The following TRIQK variants were observed in gnomAD, a reference collection of about 807,000 sequenced individuals.
The protein encoded by TRIQK is triple QxxK/R motif-containing protein.
In TRIQK, 10 loss-of-function variants were observed where a neutral mutation model predicts 10.8. That is an observed-to-expected ratio of 0.92 (90% CI 0.57 to 1.57). The LOEUF (loss-of-function observed/expected upper bound fraction) is 1.57. Among genes scored for constraint, TRIQK ranks in the 40% most tolerant of loss-of-function variants. The pLI is 0.00. For synonymous variants in TRIQK, 33 were observed against 33.7 expected (o/e 0.98, Z 0.07); for missense variants, 107 against 97.7 (o/e 1.09, Z -0.40).
chr8:92,928,716 G>A (rs1263675108), intron 2 of TRIQK, among the ~76,000 whole-genome samples: 2 of 152,216 alleles, frequency 1.3e-5, no homozygotes, highest in African/African-American at 4.8e-5. Flanking sequence ...AGCAGGGACT[G>A]TGAAGCCCTT....
In TRIQK at chr8:92,884,917, A is replaced by C. The variant is rs1816391569; in HGVS notation, c.*1705T>G. On this transcript the variant is annotated 3_prime_UTR_variant, in exon 5 of 5. Coordinates refer to ENST00000521988, the MANE Select transcript of TRIQK (RefSeq NM_001171797.2). The stretch of plus-strand genomic sequence containing the variant: ...GGAAAGTAAAAGGCCCATCATATCC[A>C]AAATGCCAGCTTGGATATTCCCTTG... 2.2e-6 allele frequency: 1 copy of C among 456,110 alleles called. No individual in the cohort carries two copies. Among genetic ancestry groups the C allele is most frequent in the Non-Finnish European group, 4.4e-6 (1 of 226,740 alleles). The allele number at this position is 456,110 out of a possible 1,614,324, so 28.3% of individuals were successfully genotyped here. A position where few individuals can be genotyped will look rare whatever the true frequency, so the allele number is the denominator to read the frequency against.
rs1368927239 is a variant in TRIQK at position 92,947,144 on chromosome 8, T to C, written c.-22+7262A>G. ...GCCTATTCTAAAGACCTCCATGTTATCTCTAACAGTACAAAAATCTAGTTA... is the reference window on the plus strand; with the variant it reads ...GCCTATTCTAAAGACCTCCATGTTACCTCTAACAGTACAAAAATCTAGTTA... On this transcript the variant is annotated intron_variant, in intron 2 of 4. Transcript: ENST00000521988. Among the ~76,000 whole-genome samples, 7 of 152,116 alleles carry C rather than the reference T, an allele frequency of 4.6e-5. No individual in the cohort carries two copies. In the South Asian group the frequency reaches 1.0e-3, roughly 23 times the overall value.
chr8:92,999,917 T>G (rs893391466), intron 1 of TRIQK, among the ~76,000 whole-genome samples: 6 of 152,298 alleles, frequency 3.9e-5, no homozygotes, highest in African/African-American at 9.6e-5. Flanking sequence ...ACCTGCTTAC[T>G]TTCATTATTT....
chr8:92,936,868 A>G (rs898189508), intron 2 of TRIQK, among the ~76,000 whole-genome samples: 17 of 151,774 alleles, frequency 1.1e-4, no homozygotes, highest in African/African-American at 3.9e-4. Flanking sequence ...TCTATAAAGC[A>G]GCTATAAATA....
At chr8:92,910,487 A>G (rs1362048729) in intron 3 of TRIQK, among the ~76,000 whole-genome samples, 5 of 151,096 alleles carry the variant, frequency 3.3e-5, no homozygotes, top group African/African-American at 1.2e-4. Context: ...AATGAAAAAT[A>G]TAAATAAAAA....
At chr8:92,986,285 A>T (rs1269983794) in intron 1 of TRIQK, among the ~76,000 whole-genome samples, 1 of 152,110 alleles carries the variant, frequency 6.6e-6, no homozygotes, top group Non-Finnish European at 1.5e-5. Context: ...ATGCAATATT[A>T]TCTTGTTTCA....
At chr8:93,007,525 T>C (rs55720010) in intron 1 of TRIQK, among the ~76,000 whole-genome samples, 4,829 of 152,196 alleles carry the variant, frequency 0.032, 121 homozygotes, top group South Asian at 0.049. Context: ...GGGCCGAGGC[T>C]GAGATGGATG....
chr8:93,000,911 C>T (rs73311482), intron 1 of TRIQK, among the ~76,000 whole-genome samples: 33,385 of 144,032 alleles, frequency 0.23, 4,721 homozygotes, highest in African/African-American at 0.41. Context: ...CAGAAAGGAA[C>T]AAAAGAGCTA....
At chr8:92,950,324 C>G (rs954706215) in intron 2 of TRIQK, among the ~76,000 whole-genome samples, 14 of 152,060 alleles carry the variant, frequency 9.2e-5, no homozygotes, top group African/African-American at 2.9e-4. Flanking sequence ...ACTGTGAGAA[C>G]CTAGTCTCAC....
At chr8:92,893,340 T>G (rs577167277) in intron 3 of TRIQK, among the ~76,000 whole-genome samples, 1 of 152,100 alleles carries the variant, frequency 6.6e-6, no homozygotes, top group East Asian at 1.9e-4. Context: ...AAAGTGTTTG[T>G]TTGGCTGGAA....
At chr8:92,981,565 C>G (rs530575409) in intron 1 of TRIQK, among the ~76,000 whole-genome samples, 13 of 151,604 alleles carry the variant, frequency 8.6e-5, no homozygotes, top group Non-Finnish European at 1.6e-4. Flanking sequence ...ACATAAAGAA[C>G]CATTACTGCA....
intron 3 of TRIQK, among the ~76,000 whole-genome samples, chr8:92,909,925 A>G (rs2130408930): frequency 6.6e-6 from 1 of 151,762 alleles, no homozygotes; most frequent in East Asian, 1.9e-4. Flanking sequence ...AAAACGCAAA[A>G]TTAAGAAAAA....
At chr8:93,003,541 C>T (rs996682086) in intron 1 of TRIQK, among the ~76,000 whole-genome samples, 2 of 152,060 alleles carry the variant, frequency 1.3e-5, no homozygotes, top group African/African-American at 2.4e-5. Context: ...TCATTCCTCC[C>T]CCGGTCCCTC....
chr8:93,014,868 T>C (rs1813368562), intron 1 of TRIQK, among the ~76,000 whole-genome samples: 1 of 152,076 alleles, frequency 6.6e-6, no homozygotes, highest in Admixed American at 6.5e-5. Context: ...GATTTTCTCA[T>C]TTCCCAGGGG....
intron 1 of TRIQK, among the ~76,000 whole-genome samples, chr8:92,963,198 C>A (rs1159728633): frequency 6.6e-6 from 1 of 152,162 alleles, no homozygotes; most frequent in African/African-American, 2.4e-5. Context: ...AACGAAATAA[C>A]AGGTGCATAT....
intron 2 of TRIQK, among the ~76,000 whole-genome samples, chr8:92,939,980 G>GCT (rs1811186761): frequency 6.6e-6 from 1 of 152,022 alleles, no homozygotes; most frequent in Non-Finnish European, 1.5e-5. Context: ...CTTATATCTG[G>GCT]GCTGACCAGA....
At chr8:92,907,044 T>G (rs527891519) in intron 3 of TRIQK, among the ~76,000 whole-genome samples, 1 of 152,256 alleles carries the variant, frequency 6.6e-6, no homozygotes, top group African/African-American at 2.4e-5. Context: ...CATCTTGAAA[T>G]AACATGAAAA....
intron 4 of TRIQK, among the ~76,000 whole-genome samples, chr8:92,887,716 A>C (rs80007027): frequency 0.12 from 17,583 of 151,604 alleles, 1,186 homozygotes; most frequent in Admixed American, 0.15. Context: ...TATAGTTTAC[A>C]TTTCACAAGA....
chr8:93,007,185 G>A (rs1813283176), intron 1 of TRIQK, among the ~76,000 whole-genome samples: 1 of 152,170 alleles, frequency 6.6e-6, no homozygotes, highest in South Asian at 2.1e-4. Context: ...GCCTCCACTA[G>A]TGACACCTCC....
Sources: gnomAD v4.1 joint callset for allele counts (sites outside exome capture counted in the v4.1 genomes callset) on GRCh38, gnomAD v4.1.1 for gene constraint, MANE v1.5 for transcripts, NCBI Gene and HGNC (gene_info 2026-07-23, HGNC 2026-07-21) for gene names.